NCKAP5: variants seen among roughly 807,000 people sequenced by gnomAD.
NCKAP5 encodes the protein NCK associated protein 5, also known as nck-associated protein 5.
Under a neutral mutation model 167.0 loss-of-function variants are expected in NCKAP5, and 92 were observed. That is an observed-to-expected ratio of 0.55 (90% CI 0.47 to 0.66). NCKAP5 has a LOEUF of 0.66. Among genes scored for constraint, NCKAP5 ranks in the 30% least tolerant of loss-of-function variants. NCKAP5 has a pLI of 0.00. For synonymous variants in NCKAP5, 891 were observed against 877.4 expected (o/e 1.02, Z -0.27); for missense variants, 2,378 against 2,315.0 (o/e 1.03, Z -0.56).
intron 4 of NCKAP5, among the ~76,000 whole-genome samples, chr2:133,288,424 A>C (rs1337710664): frequency 6.6e-6 from 1 of 152,320 alleles, no homozygotes; most frequent in East Asian, 1.9e-4. Flanking sequence ...GAATAAATCC[A>C]GGTAAATACA....
At chr2:133,151,607 A>C (rs1484042463) in intron 5 of NCKAP5, among the ~76,000 whole-genome samples, 1 of 152,176 alleles carries the variant, frequency 6.6e-6, no homozygotes, top group Non-Finnish European at 1.5e-5. Context: ...AAAATCCAAA[A>C]CACTGACAAC....
the NCKAP5 span, among the ~76,000 whole-genome samples, chr2:133,621,179 A>G: frequency 6.6e-6 from 1 of 152,144 alleles, no homozygotes; most frequent in Non-Finnish European, 1.5e-5. Flanking sequence ...CTGAAAGAGC[A>G]CAGGTATACA....
chr2:133,062,189 C>T (rs923381131), intron 6 of NCKAP5, among the ~76,000 whole-genome samples: 1 of 152,156 alleles, frequency 6.6e-6, no homozygotes, highest in African/African-American at 2.4e-5. Flanking sequence ...TGTTCAACTT[C>T]AGCCTCCATG....
chr2:133,260,381 T>A (rs746642777), intron 4 of NCKAP5, among the ~76,000 whole-genome samples: 2 of 152,214 alleles, frequency 1.3e-5, no homozygotes, highest in Non-Finnish European at 2.9e-5. Context: ...GGTGCTGTAA[T>A]TCCTTTACAC....
chr2:133,635,270 G>A, the NCKAP5 span, among the ~76,000 whole-genome samples: 4 of 152,158 alleles, frequency 2.6e-5, no homozygotes, highest in East Asian at 5.8e-4. Context: ...ATGTAATCAT[G>A]CAGTCTATTA....
chr2:133,225,270 C>T (rs1441512229), intron 4 of NCKAP5, among the ~76,000 whole-genome samples: 1 of 152,170 alleles, frequency 6.6e-6, no homozygotes, highest in African/African-American at 2.4e-5. Flanking sequence ...GCATGCTAAT[C>T]ATCTCCTAAG....
chr2:133,633,495 G>A, the NCKAP5 span, among the ~76,000 whole-genome samples: 1 of 152,198 alleles, frequency 6.6e-6, no homozygotes, highest in African/African-American at 2.4e-5. Flanking sequence ...GAAATGTTTG[G>A]CTTTGTGAGG....
At chr2:132,716,431 G>A (rs1348543655) in intron 19 of NCKAP5, among the ~76,000 whole-genome samples, 3 of 152,092 alleles carry the variant, frequency 2.0e-5, no homozygotes, top group Admixed American at 6.5e-5. Context: ...CAGCCCTGGC[G>A]GCCAAAGCCT....
intron 3 of NCKAP5, among the ~76,000 whole-genome samples, chr2:133,354,946 G>T (rs1684609684): frequency 6.6e-6 from 1 of 152,070 alleles, no homozygotes; most frequent in Non-Finnish European, 1.5e-5. Context: ...ATTCCAGGTG[G>T]TTAATATGGT....
chr2:133,436,261 C>T (rs1172866452), intron 3 of NCKAP5, among the ~76,000 whole-genome samples: 1 of 152,144 alleles, frequency 6.6e-6, no homozygotes, highest in Non-Finnish European at 1.5e-5. Context: ...TAAAATATGG[C>T]CAGAACCTGG....
At chr2:132,940,845 C>G (rs993099795) in intron 8 of NCKAP5, among the ~76,000 whole-genome samples, 17 of 151,392 alleles carry the variant, frequency 1.1e-4, no homozygotes, top group Non-Finnish European at 2.2e-4. Context: ...AGAAGTGATA[C>G]TTTTCTTCTT....
chr2:133,279,692 C>T (rs974800021), intron 4 of NCKAP5, among the ~76,000 whole-genome samples: 12 of 152,202 alleles, frequency 7.9e-5, no homozygotes, highest in African/African-American at 2.7e-4. Flanking sequence ...ACTTTCTATA[C>T]TTTTCAGCCA....
chr2:133,011,800 C>G (rs1278427237), intron 6 of NCKAP5, among the ~76,000 whole-genome samples: 1 of 152,228 alleles, frequency 6.6e-6, no homozygotes, highest in African/African-American at 2.4e-5. Flanking sequence ...GATTATCATT[C>G]TGTGAACCAC....
chr2:133,412,257 A>G (rs1688822971), intron 3 of NCKAP5, among the ~76,000 whole-genome samples: 2 of 152,214 alleles, frequency 1.3e-5, no homozygotes, highest in Admixed American at 6.5e-5. Context: ...TGCGGGGATA[A>G]TGAAAGCAGC....
chr2:133,343,159 C>CCTG (rs1683709727), intron 3 of NCKAP5, among the ~76,000 whole-genome samples: 1 of 152,208 alleles, frequency 6.6e-6, no homozygotes, highest in Admixed American at 6.5e-5. Context: ...CACAGTGCAT[C>CCTG]CTGCTAGGCA....
intron 5 of NCKAP5, among the ~76,000 whole-genome samples, chr2:133,165,026 C>T (rs1349562096): frequency 6.6e-6 from 1 of 152,100 alleles, no homozygotes; most frequent in Non-Finnish European, 1.5e-5. Flanking sequence ...TTTTGCCTCC[C>T]CTCTTCTAGG....
intron 6 of NCKAP5, among the ~76,000 whole-genome samples, chr2:133,036,326 G>A (rs758405961): frequency 6.6e-6 from 1 of 151,832 alleles, no homozygotes; most frequent in Non-Finnish European, 1.5e-5. Flanking sequence ...CATTCTACAA[G>A]GTCTGTATTA....
At chr2:133,602,166 T>C in the NCKAP5 span, among the ~76,000 whole-genome samples, 10 of 152,230 alleles carry the variant, frequency 6.6e-5, no homozygotes, top group Admixed American at 5.9e-4. Context: ...GGGGAGACTA[T>C]TCTGGGATGT....
chr2:133,021,772 A>C (rs2078536987), intron 6 of NCKAP5, among the ~76,000 whole-genome samples: 2 of 152,200 alleles, frequency 1.3e-5, no homozygotes. Context: ...CTGGGATTAC[A>C]GGTACATGCC....
Sources: gnomAD v4.1 joint callset for allele counts (sites outside exome capture counted in the v4.1 genomes callset) on GRCh38, gnomAD v4.1.1 for gene constraint, MANE v1.5 for transcripts, NCBI Gene and HGNC (gene_info 2026-07-23, HGNC 2026-07-21) for gene names.